Variants in SGPP1 observed in about 807,000 individuals in gnomAD.
SGPP1 encodes sphingosine-1-phosphate phosphatase 1.
In SGPP1, 21 loss-of-function variants were observed where a neutral mutation model predicts 33.0. The ratio of observed to expected loss-of-function variants is 0.64; its 90% CI spans 0.45 to 0.92. SGPP1 has a LOEUF of 0.92. Ranked by LOEUF, SGPP1 falls within the 40% of genes least tolerant of loss-of-function variation. The pLI is 0.00. For missense variants in SGPP1, 543 were observed against 589.4 expected, an observed-to-expected ratio of 0.92 and a Z score of 0.81; for synonymous variants, 239 against 241.2, an observed-to-expected ratio of 0.99 and a Z score of 0.08.
chr14:63,694,282 A>G (rs908950208), intron 2 of SGPP1, among the ~76,000 whole-genome samples: 18 of 152,144 alleles, frequency 1.2e-4, no homozygotes, highest in African/African-American at 4.3e-4. Flanking sequence ...TCAGAAAAGA[A>G]AAGAAAAAAA....
chr14:63,706,069 T>C (rs577876043), intron 1 of SGPP1, among the ~76,000 whole-genome samples: 1 of 152,380 alleles, frequency 6.6e-6, no homozygotes, highest in South Asian at 2.1e-4. Flanking sequence ...ATTTGTGGTA[T>C]ATACAAACAA....
chr14:63,696,982 T>G (rs1885199157), intron 2 of SGPP1, among the ~76,000 whole-genome samples: 1 of 151,858 alleles, frequency 6.6e-6, no homozygotes, highest in Non-Finnish European at 1.5e-5. Context: ...CAAGACTCTG[T>G]CTCAAAAAGA....
At chr14:63,700,529 T>C (rs1435909860) in intron 1 of SGPP1, among the ~76,000 whole-genome samples, 1 of 152,216 alleles carries the variant, frequency 6.6e-6, no homozygotes, top group African/African-American at 2.4e-5. Flanking sequence ...GGGAGAATAA[T>C]TATATTCTTT....
At chr14:63,698,893 G>T (rs946435913) in intron 1 of SGPP1, among the ~76,000 whole-genome samples, 55 of 152,114 alleles carry the variant, frequency 3.6e-4, no homozygotes, top group African/African-American at 1.3e-3. Flanking sequence ...ATTCTTTATT[G>T]TGGGAACTGG....
At position 63,727,511 on chromosome 14, in the gene SGPP1, A is replaced by G; in HGVS notation, c.434T>C (p.Ile145Thr). 6.2e-7 allele frequency: 1 copy of G among 1,614,112 alleles called. No homozygotes were observed. Among genetic ancestry groups the G allele is most frequent in the Non-Finnish European group, 8.5e-7 (1 of 1,180,008 alleles). The change falls in exon 1 of 3, where the codon ATC becomes ACC. Residue 145 changes from isoleucine (I) to threonine (T), a missense_variant. Transcript: ENST00000247225. ...GTELGNELFY[I>T]LFFPFWIWNL... ...CCAGATCCAGAAGGGGAAGAACAGG[A>G]TGTAGAAGAGTTCGTTGCCCAGCTC...
intron 2 of SGPP1, among the ~76,000 whole-genome samples, chr14:63,697,618 G>C (rs1428677375): frequency 6.6e-6 from 1 of 152,172 alleles, no homozygotes; most frequent in Non-Finnish European, 1.5e-5. Flanking sequence ...AAAAGCAATT[G>C]CAATTTAGGA....
At chr14:63,688,771 G>T (rs1219868617) in intron 2 of SGPP1, among the ~76,000 whole-genome samples, 1 of 150,082 alleles carries the variant, frequency 6.7e-6, no homozygotes, top group African/African-American at 2.5e-5. Context: ...GCCCAGGCTG[G>T]AATGCAGTGG....
chr14:63,694,341 TTTAACA>T (rs1249924624), intron 2 of SGPP1, among the ~76,000 whole-genome samples: 2 of 152,146 alleles, frequency 1.3e-5, no homozygotes, highest in Admixed American at 6.6e-5. Context: ...GTTTGATCTC[TTTAACA>T]TTAAGAATTC....
chr14:63,700,990 T>C (rs1334371840), intron 1 of SGPP1, among the ~76,000 whole-genome samples: 1 of 152,152 alleles, frequency 6.6e-6, no homozygotes, highest in Non-Finnish European at 1.5e-5. Flanking sequence ...ACAAGATTTT[T>C]TTTTTTTTGA....
rs1488061638 is a variant in SGPP1 at position 63,708,028 on chromosome 14, T to C, written c.685-9370A>G. ...TCAAATTCTGTCTTTCCCACATTAG[T>C]AAATTTAGCAATTCTGTAAGAGCTT... is the stretch of plus-strand genomic sequence containing the variant. On this transcript the variant is annotated intron_variant, in intron 1 of 2. Transcript: ENST00000247225. Among the ~76,000 whole-genome samples the C allele has an allele frequency of 2.0e-5, 3 of 152,268 alleles. No individual in the cohort carries two copies. In the East Asian group the frequency reaches 5.8e-4, roughly 29 times the overall value.
At chr14:63,695,751 A>G (rs945582933) in intron 2 of SGPP1, among the ~76,000 whole-genome samples, 4 of 152,124 alleles carry the variant, frequency 2.6e-5, no homozygotes, top group Non-Finnish European at 5.9e-5. Context: ...TCTCTACAAA[A>G]AATTTAAAAA....
intron 1 of SGPP1, among the ~76,000 whole-genome samples, chr14:63,723,842 G>A (rs1885824705): frequency 6.6e-6 from 1 of 152,086 alleles, no homozygotes; most frequent in Admixed American, 6.6e-5. Context: ...CCTGGGAAAT[G>A]TAGAAATCTG....
intron 2 of SGPP1, among the ~76,000 whole-genome samples, chr14:63,697,040 GGGA>G (rs1885200854): frequency 6.6e-6 from 1 of 152,092 alleles, no homozygotes; most frequent in Admixed American, 6.6e-5. Flanking sequence ...GGAGAGCGGG[GGGA>G]GGAAAGGGCT....
At chr14:63,719,014 A>ATTTTTT (rs1163496718) in intron 1 of SGPP1, among the ~76,000 whole-genome samples, 2 of 19,424 alleles carry the variant, frequency 1.0e-4, no homozygotes, top group Non-Finnish European at 1.6e-4. Flanking sequence ...ATATATATAT[A>ATTTTTT]TTTTTTTTTT....
chr14:63,725,760 T>C (rs1325480347), intron 1 of SGPP1, among the ~76,000 whole-genome samples: 1 of 152,230 alleles, frequency 6.6e-6, no homozygotes, highest in Non-Finnish European at 1.5e-5. Context: ...TTTCTCTTAC[T>C]TTGACTGCTA....
rs773326000 is a variant in SGPP1, at chr14:63,686,414, C to T, written c.1017G>A (p.Met339Ile). 1.2e-6 allele frequency: 2 copies of T among 1,614,092 alleles called. No individual in the cohort carries two copies. Among genetic ancestry groups the T allele is most frequent in the Admixed American group, 3.3e-5 (2 of 60,008 alleles). Residue 339 changes from methionine to isoleucine, a missense_variant, in exon 3 of 3, where the codon ATG becomes ATA. Physicochemically the swap from Met to Ile is conservative, Grantham distance 10. Coordinates refer to ENST00000247225, the MANE Select transcript of SGPP1 (RefSeq NM_030791.4). ...CTAGAGAAGGATCTAATACTAGACC[C>T]ATGTTATAAGTAACATGAGATCCAC... ...IACGSHVTYN[M>I]GLVLDPSLDT...
At chr14:63,703,111 CATG>C (rs1395536144) in intron 1 of SGPP1, among the ~76,000 whole-genome samples, 2 of 151,776 alleles carry the variant, frequency 1.3e-5, no homozygotes, top group African/African-American at 2.4e-5. Flanking sequence ...CCAAATAATC[CATG>C]AAGAAAACAT....
In SGPP1 at chr14:63,686,314, T is replaced by A. The variant is rs529261366; in HGVS notation, c.1117A>T (p.Met373Leu). ...TCTCTGATTATTAGTACAAATACCA[T>A]CCCTATGAGGATCCGCAATATGGCT... ...GKAILRILIG[M>L]VFVLIIRDVM... The change falls in exon 3 of 3, where the codon ATG (methionine) becomes TTG (leucine). Residue 373 changes from methionine (M) to leucine (L), a missense_variant. By Grantham distance (15) the Met-to-Leu change is conservative (BLOSUM62 2). Coordinates refer to ENST00000247225, the MANE Select transcript of SGPP1 (RefSeq NM_030791.4). 7.2e-5 allele frequency: 117 copies of A among 1,614,036 alleles called. 1 individual carries two copies. The South Asian group carries it at 1.2e-3, about 17-fold the overall frequency.
At chr14:63,709,019 T>G (rs996316174) in intron 1 of SGPP1, among the ~76,000 whole-genome samples, 7 of 152,152 alleles carry the variant, frequency 4.6e-5, no homozygotes, top group Admixed American at 4.6e-4. Context: ...ATATTTTAAG[T>G]TTTTCTTAGA....
Sources: gnomAD v4.1 joint callset for allele counts (sites outside exome capture counted in the v4.1 genomes callset) on GRCh38, gnomAD v4.1.1 for gene constraint, MANE v1.5 for transcripts, NCBI Gene and HGNC (gene_info 2026-07-23, HGNC 2026-07-21) for gene names.